PRDM6: variants seen among roughly 807,000 people sequenced by gnomAD.
PRDM6 encodes the protein PR/SET domain 6, also known as putative histone-lysine N-methyltransferase PRDM6.
A neutral mutation model predicts 60.8 loss-of-function variants in PRDM6; 25 were observed. That is an observed-to-expected ratio of 0.41 (90% CI 0.30 to 0.57). The LOEUF is 0.57. Ranked by LOEUF, PRDM6 falls within the 20% of genes least tolerant of loss-of-function variation. The pLI, the probability that PRDM6 is intolerant of heterozygous loss-of-function variation, is 0.27. For missense variants in PRDM6, 839 were observed against 821.3 expected (o/e 1.02, Z -0.26); for synonymous variants, 407 against 357.4 (o/e 1.14, Z -1.57).
chr5:123,090,928 G>T (rs1396092712), intron 2 of PRDM6, among the ~76,000 whole-genome samples: 1 of 152,072 alleles, frequency 6.6e-6, no homozygotes, highest in East Asian at 1.9e-4. Context: ...CTGCCCTCCC[G>T]CCGGACAGTG....
chr5:123,190,991 T>A lies in PRDM6; in HGVS notation c.*3790T>A, dbSNP rs1766420539. On this transcript the variant is annotated 3_prime_UTR_variant, in exon 8 of 8. Coordinates refer to ENST00000407847, the MANE Select transcript of PRDM6 (RefSeq NM_001136239.4). ...AGAAAATAGCATATTGCAAAACAAG[T>A]TAAGATGCACAACTTGGTTGTCTTT... 6.6e-6 allele frequency: 1 copy of A among 152,278 alleles called. No individual in the cohort carries two copies. The highest frequency in any genetic ancestry group is 6.5e-5 in the Admixed American group (1 of 15,286). 9.4% of individuals were successfully genotyped at this position (152,278 alleles called of 1,614,324 possible).
At chr5:123,091,852 A>G (rs1763846888) in intron 2 of PRDM6, among the ~76,000 whole-genome samples, 1 of 152,234 alleles carries the variant, frequency 6.6e-6, no homozygotes, top group Admixed American at 6.5e-5. Flanking sequence ...CAAAATGTCT[A>G]CCGCTCTGTG....
Position 123,099,793 on chromosome 5 carries a change from G to A in PRDM6, c.732G>A (p.Leu244=). The A allele has an allele frequency of 2.6e-6, 4 of 1,548,976 alleles. No individual in the cohort carries two copies. Among genetic ancestry groups the A allele is most frequent in the Non-Finnish European group, 3.5e-6 (4 of 1,146,084 alleles). ...AGCTGCCGGAGTGGCTGCGGGACCT[G>A]CCTCGCGAGGTGTGCCTCTGCACCA... ...PPELPEWLRD[L]PREVCLCTST... The change falls in exon 3 of 8, where the codon CTG becomes CTA. Residue 244 remains leucine (L), a synonymous_variant. Coordinates refer to ENST00000407847, the MANE Select transcript of PRDM6 (RefSeq NM_001136239.4). This position sits in a 1 kb window ranked among gnomAD's most constrained non-coding sequence, Gnocchi z 4.0.
chr5:123,116,570 G>C (rs1764451167), intron 3 of PRDM6, among the ~76,000 whole-genome samples: 1 of 152,070 alleles, frequency 6.6e-6, no homozygotes, highest in Non-Finnish European at 1.5e-5. Context: ...TTGGATCACT[G>C]TATACAGTAG....
intron 3 of PRDM6, among the ~76,000 whole-genome samples, chr5:123,116,214 T>A (rs1432297504): frequency 2.0e-5 from 3 of 152,168 alleles, no homozygotes; most frequent in Non-Finnish European, 4.4e-5. Flanking sequence ...TTTCCATCTG[T>A]CCAAATGTTA....
intron 2 of PRDM6, among the ~76,000 whole-genome samples, chr5:123,092,848 T>G (rs773657883): frequency 2.0e-5 from 3 of 152,204 alleles, no homozygotes; most frequent in Non-Finnish European, 2.9e-5. Context: ...ACAAGCAAGC[T>G]TAGGCACTCA....
At chr5:123,114,818 A>G (rs1764397142) in intron 3 of PRDM6, among the ~76,000 whole-genome samples, 1 of 152,172 alleles carries the variant, frequency 6.6e-6, no homozygotes, top group Non-Finnish European at 1.5e-5. Flanking sequence ...GAAAGACTTC[A>G]TTTTATTCCA....
chr5:123,182,096 A>G (rs368484892), intron 7 of PRDM6, among the ~76,000 whole-genome samples: 5 of 152,210 alleles, frequency 3.3e-5, no homozygotes, highest in African/African-American at 1.2e-4. Context: ...TATGCCACCC[A>G]TGCTGTGCCG....
At chr5:123,092,005 A>G (rs1322894519) in intron 2 of PRDM6, among the ~76,000 whole-genome samples, 3 of 152,168 alleles carry the variant, frequency 2.0e-5, no homozygotes, top group Non-Finnish European at 4.4e-5. Context: ...TATGTTGGAC[A>G]TAGCTGTGAT....
intron 2 of PRDM6, among the ~76,000 whole-genome samples, chr5:123,096,288 T>C (rs1763958116): frequency 6.6e-6 from 1 of 151,842 alleles, no homozygotes; most frequent in African/African-American, 2.4e-5. Flanking sequence ...ATATATAATA[T>C]AATGACATAT....
At chr5:123,177,206 A>G (rs751919395) in intron 6 of PRDM6, among the ~76,000 whole-genome samples, 5 of 152,210 alleles carry the variant, frequency 3.3e-5, no homozygotes, top group Non-Finnish European at 4.4e-5. Flanking sequence ...CAATTTTAAA[A>G]TTACTTTTTG....
intron 3 of PRDM6, among the ~76,000 whole-genome samples, chr5:123,101,964 G>T (rs1278307160): frequency 2.0e-5 from 3 of 152,116 alleles, no homozygotes; most frequent in African/African-American, 7.2e-5. Context: ...TATTGTTCAG[G>T]GCATGTGAGT....
chr5:123,182,043 T>C (rs1023149380), intron 7 of PRDM6, among the ~76,000 whole-genome samples: 1 of 152,234 alleles, frequency 6.6e-6, no homozygotes, highest in African/African-American at 2.4e-5. Context: ...CATAAGAGCA[T>C]CTGGCTAAGT....
chr5:123,099,596 C>G lies in PRDM6; in HGVS notation c.593-58C>G. 1.4e-6 allele frequency: 2 copies of G among 1,398,428 alleles called. No individual in the cohort carries two copies. Among genetic ancestry groups the G allele is most frequent in the Non-Finnish European group, 9.4e-7 (1 of 1,068,396 alleles). 86.6% of individuals were successfully genotyped at this position (1,398,428 alleles called of 1,614,324 possible). ...CTCGGGAGTTTACTCAAAGATGGGC[C>G]GCTCGGGGCGGCCGGATTAACCCGC... On this transcript the variant is annotated intron_variant, in intron 2 of 7. Transcript: ENST00000407847. This position sits in a 1 kb window ranked among gnomAD's most constrained non-coding sequence, Gnocchi z 4.0.
At chr5:123,107,930 TTCAG>T (rs1403991119) in intron 3 of PRDM6, among the ~76,000 whole-genome samples, 3 of 152,230 alleles carry the variant, frequency 2.0e-5, no homozygotes, top group African/African-American at 7.2e-5. Context: ...ACGTAATATT[TTCAG>T]TCAGTGTCTT....
At chr5:123,091,903 T>C (rs1026738685) in intron 2 of PRDM6, among the ~76,000 whole-genome samples, 2 of 152,106 alleles carry the variant, frequency 1.3e-5, no homozygotes, top group African/African-American at 2.4e-5. Context: ...AGTTCAGTTA[T>C]AGCTCTTTAA....
chr5:123,170,543 C>T (rs2112487), intron 5 of PRDM6, among the ~76,000 whole-genome samples: 34,504 of 152,172 alleles, frequency 0.23, 4,418 homozygotes, highest in Middle Eastern at 0.32. Flanking sequence ...CCATGTAAAA[C>T]AATCCTGAGC....
chr5:123,126,919 G>A (rs1378746781), intron 3 of PRDM6, among the ~76,000 whole-genome samples: 1 of 152,078 alleles, frequency 6.6e-6, no homozygotes, highest in Non-Finnish European at 1.5e-5. Flanking sequence ...TTCTTTTGGG[G>A]TGAGGACTGT....
At chr5:123,165,255 C>A (rs189988445) in intron 5 of PRDM6, among the ~76,000 whole-genome samples, 1 of 152,212 alleles carries the variant, frequency 6.6e-6, no homozygotes, top group African/African-American at 2.4e-5. Flanking sequence ...AAAACTAAAA[C>A]CACTCTATTC....
Sources: allele counts gnomAD v4.1 joint callset (sites outside exome capture counted in the v4.1 genomes callset), GRCh38; gene constraint gnomAD v4.1.1; non-coding constraint Gnocchi (gnomAD v3.1); transcripts MANE v1.5; gene names NCBI Gene and HGNC (gene_info 2026-07-23, HGNC 2026-07-21).